The following CEP128 variants were observed in gnomAD, a reference collection of about 807,000 sequenced individuals.
The protein encoded by CEP128 is centrosomal protein 128kDa.
A neutral mutation model predicts 156.7 loss-of-function variants in CEP128; 132 were observed. The observed-to-expected ratio is 0.84, with a 90% CI of 0.73 to 0.97. The LOEUF (loss-of-function observed/expected upper bound fraction) is 0.97. CEP128 is among the 50% of genes least tolerant of loss of function. The probability of loss-of-function intolerance (pLI) is 0.00; values close to 1 mark genes in which losing one functional copy is unlikely to be tolerated. For missense variants in CEP128, 1,252 were observed against 1,281.9 expected (o/e 0.98, Z 0.36); for synonymous variants, 469 against 448.9 (o/e 1.04, Z -0.57).
At chr14:80,480,875 T>C (rs1294230675) in intron 14 of CEP128, among the ~76,000 whole-genome samples, 1 of 152,164 alleles carries the variant, frequency 6.6e-6, no homozygotes, top group Non-Finnish European at 1.5e-5. Flanking sequence ...TTTACTCCAG[T>C]TCCCAAAAAG....
intron 13 of CEP128, among the ~76,000 whole-genome samples, chr14:80,822,225 T>C (rs1875634327): frequency 6.6e-6 from 1 of 152,112 alleles, no homozygotes; most frequent in South Asian, 2.1e-4. Flanking sequence ...CTCCAAAGTT[T>C]CATCTGAGAC....
At chr14:80,863,612 A>G (rs1368774034) in intron 8 of CEP128, among the ~76,000 whole-genome samples, 1 of 152,218 alleles carries the variant, frequency 6.6e-6, no homozygotes, top group Non-Finnish European at 1.5e-5. Flanking sequence ...AATTTACACT[A>G]TTGACAATGT....
At chr14:80,587,389 T>C (rs899341465) in intron 19 of CEP128, among the ~76,000 whole-genome samples, 7 of 152,186 alleles carry the variant, frequency 4.6e-5, no homozygotes, top group African/African-American at 1.7e-4. Flanking sequence ...GGAGCCCAAT[T>C]GGTCCAATAA....
chr14:80,628,063 G>A (rs1272599112), intron 19 of CEP128, among the ~76,000 whole-genome samples: 1 of 152,104 alleles, frequency 6.6e-6, no homozygotes, highest in Non-Finnish European at 1.5e-5. Flanking sequence ...AGCTTAAATT[G>A]CAAGAACAGA....
At chr14:80,520,795 C>A (rs1594942375) in intron 23 of CEP128, among the ~76,000 whole-genome samples, 1 of 151,812 alleles carries the variant, frequency 6.6e-6, no homozygotes, top group South Asian at 2.1e-4. Flanking sequence ...TCATAGGAAT[C>A]AGCGCTTAGT....
At chr14:80,793,678 A>C (rs1314245762) in intron 13 of CEP128, among the ~76,000 whole-genome samples, 1 of 152,202 alleles carries the variant, frequency 6.6e-6, no homozygotes, top group Non-Finnish European at 1.5e-5. Flanking sequence ...CACTTATCTC[A>C]AGCTGATATG....
intron 8 of CEP128, among the ~76,000 whole-genome samples, chr14:80,864,972 A>C (rs1225961277): frequency 1.3e-5 from 2 of 152,206 alleles, no homozygotes; most frequent in African/African-American, 2.4e-5. Flanking sequence ...TACTTAGCTA[A>C]CATTATTTTT....
upstream of CEP128, among the ~76,000 whole-genome samples, chr14:80,942,616 A>G (rs1159823680): frequency 1.3e-5 from 2 of 152,234 alleles, no homozygotes; most frequent in Non-Finnish European, 2.9e-5. Context: ...GAGCTAGATC[A>G]TGTTTAATAA....
At chr14:80,693,562 C>T (rs1316445583) in intron 19 of CEP128, among the ~76,000 whole-genome samples, 1 of 151,982 alleles carries the variant, frequency 6.6e-6, no homozygotes, top group Non-Finnish European at 1.5e-5. Flanking sequence ...AAAAATAAGT[C>T]ATCAAATATC....
rs548099441 is a variant in CEP128 at position 80,802,452 on chromosome 14, C to T, written c.1210-9342G>A. 2.0e-5 allele frequency among the ~76,000 whole-genome samples: 3 copies of T among 151,914 alleles called. No homozygotes were observed. In the East Asian group the frequency reaches 5.8e-4, roughly 29 times the overall value. On this transcript the variant is annotated intron_variant, in intron 13 of 24. Transcript: ENST00000555265. ...TAACACAGGAACAGAAAACCAAACA[C>T]CGCATGCTCTCACTCGTAAGTGGGA... is the stretch of plus-strand genomic sequence containing the variant.
At chr14:80,662,138 A>C (rs10220319) in intron 19 of CEP128, among the ~76,000 whole-genome samples, 15,064 of 152,186 alleles carry the variant, frequency 0.099, 2,462 homozygotes, top group African/African-American at 0.34. Flanking sequence ...ATCAGAGTAC[A>C]TTTGTTGAAA....
At chr14:80,958,659 CT>C (rs1047586587) in intron 1 of CEP128, among the ~76,000 whole-genome samples, 45 of 151,892 alleles carry the variant, frequency 3.0e-4, no homozygotes, top group Non-Finnish European at 5.7e-4. Context: ...AAATCTAGAT[CT>C]TTTTTTACAT....
chr14:80,813,432 A>G (rs953833287), intron 13 of CEP128, among the ~76,000 whole-genome samples: 1 of 152,000 alleles, frequency 6.6e-6, no homozygotes, highest in Non-Finnish European at 1.5e-5. Context: ...TTTTTTTTCA[A>G]TTATGATTCA....
At chr14:80,925,146 G>T (rs1019180430) in intron 2 of CEP128, among the ~76,000 whole-genome samples, 2 of 151,940 alleles carry the variant, frequency 1.3e-5, no homozygotes, top group Non-Finnish European at 2.9e-5. Flanking sequence ...TTCATGGGAG[G>T]AAATATCAAA....
At chr14:80,686,556 A>T (rs1170930359) in intron 19 of CEP128, among the ~76,000 whole-genome samples, 1 of 152,078 alleles carries the variant, frequency 6.6e-6, no homozygotes, top group Non-Finnish European at 1.5e-5. Flanking sequence ...ATGATGATAG[A>T]ATCAAATTCA....
At chr14:80,632,675 A>G (rs1894011122) in intron 19 of CEP128, among the ~76,000 whole-genome samples, 1 of 151,898 alleles carries the variant, frequency 6.6e-6, no homozygotes, top group Non-Finnish European at 1.5e-5. Context: ...TTCTTCCATG[A>G]ATGGGCATGT....
At chr14:80,945,028 A>G (rs924319546), upstream of CEP128, among the ~76,000 whole-genome samples, 43 of 152,048 alleles carry the variant, frequency 2.8e-4, no homozygotes, top group African/African-American at 9.7e-4. Context: ...AGGTTACATG[A>G]TGTATTAGTT....
intron 19 of CEP128, among the ~76,000 whole-genome samples, chr14:80,648,824 T>C (rs1894772877): frequency 6.6e-6 from 1 of 152,096 alleles, no homozygotes; most frequent in African/African-American, 2.4e-5. Flanking sequence ...TGCTTGCCTC[T>C]GTGACCTTAT....
chr14:80,502,084 T>G (rs1243958500), intron 24 of CEP128, among the ~76,000 whole-genome samples: 1 of 152,202 alleles, frequency 6.6e-6, no homozygotes, highest in Non-Finnish European at 1.5e-5. Flanking sequence ...TCTGAGCTGC[T>G]GCTCTGGGCA....
Sources: allele counts gnomAD v4.1 joint callset (sites outside exome capture counted in the v4.1 genomes callset), GRCh38; gene constraint gnomAD v4.1.1; transcripts MANE v1.5; gene names NCBI Gene and HGNC (gene_info 2026-07-23, HGNC 2026-07-21).